Variants in TBC1D1 observed in about 807,000 individuals in gnomAD.
TBC1D1 encodes the protein TBC1 domain family member 1.
Under a neutral mutation model 125.6 loss-of-function variants are expected in TBC1D1, and 89 were observed. That is an observed-to-expected ratio of 0.71 (90% CI 0.60 to 0.85). The LOEUF (loss-of-function observed/expected upper bound fraction) is 0.85. TBC1D1 is among the 40% of genes least tolerant of loss of function. The pLI is 0.00. For missense variants in TBC1D1, 1,377 were observed against 1,469.2 expected, an observed-to-expected ratio of 0.94 and a Z score of 1.03; for synonymous variants, 565 against 564.1, an observed-to-expected ratio of 1.00 and a Z score of -0.02.
intron 12 of TBC1D1, chr4:38,060,637 C>T (rs1261964663): frequency 6.2e-6 from 8 of 1,289,106 alleles, no homozygotes; most frequent in Non-Finnish European, 7.1e-6. Flanking sequence ...CTGTGGATCG[C>T]CATCGTTGGC....
chr4:38,007,243 A>G (rs911960846), intron 2 of TBC1D1: 1 of 151,900 alleles, frequency 6.6e-6, no homozygotes, highest in Non-Finnish European at 1.5e-5. Flanking sequence ...TTTTTTATTT[A>G]TTTATTAATT....
intron 17 of TBC1D1, among the ~76,000 whole-genome samples, chr4:38,122,477 C>A (rs955719432): frequency 6.6e-6 from 1 of 152,164 alleles, no homozygotes. Flanking sequence ...TGTATTGACA[C>A]CCTATTTTCC....
chr4:38,022,639 T>C (rs570452580), intron 6 of TBC1D1, among the ~76,000 whole-genome samples: 139 of 152,292 alleles, frequency 9.1e-4, no homozygotes, highest in African/African-American at 3.2e-3. Context: ...GGGGTTCCTC[T>C]TGAACAAGAG....
At chr4:38,126,819 G>T (rs1347814663) in intron 18 of TBC1D1, among the ~76,000 whole-genome samples, 1 of 152,088 alleles carries the variant, frequency 6.6e-6, no homozygotes, top group African/African-American at 2.4e-5. Context: ...TGGAAAGGTA[G>T]GGGTTCAAAC....
In TBC1D1 at chr4:38,021,678, C is replaced by T; in HGVS notation, c.1170C>T (p.Cys390=). ...CGCCAGCCCAGCTGTGTGAGGGCTG[C>T]CCCCTGCAAAGCCTGCACAAGCTCT... Residue 390 remains cysteine, a synonymous_variant, in exon 6 of 20, where the codon TGC becomes TGT. Coordinates refer to ENST00000261439, the MANE Select transcript of TBC1D1 (RefSeq NM_015173.4). 2.5e-6 allele frequency: 4 copies of T among 1,595,022 alleles called. No homozygotes were observed. In the South Asian group the frequency reaches 3.4e-5, roughly 14 times the overall value.
intron 7 of TBC1D1, among the ~76,000 whole-genome samples, chr4:38,031,211 A>C (rs747543458): frequency 1.5e-4 from 23 of 152,226 alleles, no homozygotes; most frequent in Non-Finnish European, 2.8e-4. Flanking sequence ...CTCCAAGTCT[A>C]ATTCTCCTAA....
chr4:38,008,077 T>C (rs778279415), intron 2 of TBC1D1, among the ~76,000 whole-genome samples: 3 of 152,216 alleles, frequency 2.0e-5, no homozygotes, highest in Non-Finnish European at 4.4e-5. Flanking sequence ...GCAGGCACAT[T>C]TGAGTTGAGA....
intron 2 of TBC1D1, among the ~76,000 whole-genome samples, chr4:37,937,819 G>T (rs559824950): frequency 6.6e-6 from 1 of 152,138 alleles, no homozygotes; most frequent in South Asian, 2.1e-4. Flanking sequence ...GGTTCCTAAC[G>T]CTCAGGAGGG....
At chr4:38,040,246 G>T (rs1748086614) in intron 8 of TBC1D1, among the ~76,000 whole-genome samples, 1 of 152,114 alleles carries the variant, frequency 6.6e-6, no homozygotes, top group South Asian at 2.1e-4. Flanking sequence ...TCTACTAACT[G>T]ATGCTGCTTG....
Position 38,122,613 on chromosome 4 carries a change from G to A in TBC1D1, c.2963-2349G>A, listed in dbSNP as rs1367229763. Among the ~76,000 whole-genome samples, 7 of 152,026 alleles carry A rather than the reference G, an allele frequency of 4.6e-5. No individual in the cohort carries two copies. The East Asian group carries it at 7.7e-4, about 17-fold the overall frequency. ...GTAACACCCTGGGCATAACTCTACC[G>A]AACCAGAACTCCTTGGTGTCTCTGC... On this transcript the variant is annotated intron_variant, in intron 17 of 19. Transcript: ENST00000261439.
intron 2 of TBC1D1, among the ~76,000 whole-genome samples, chr4:37,927,508 G>A (rs926387708): frequency 6.6e-6 from 1 of 152,094 alleles, no homozygotes; most frequent in Non-Finnish European, 1.5e-5. Flanking sequence ...CAAGATCCAC[G>A]ATTCCAGCTG....
At chr4:38,052,142 A>G in intron 11 of TBC1D1, 82 bp downstream of exon 12, 2 of 1,389,016 alleles carry the variant, frequency 1.4e-6, no homozygotes, top group South Asian at 1.3e-5. Flanking sequence ...GAATGGGGGG[A>G]ATGTCCATGC....
chr4:37,949,902 A>G (rs1014676931), intron 2 of TBC1D1, among the ~76,000 whole-genome samples: 1 of 152,078 alleles, frequency 6.6e-6, no homozygotes. Context: ...GCTGACGCCT[A>G]TTCTCCATGA....
chr4:38,119,511 A>G (rs1055499629), intron 17 of TBC1D1, among the ~76,000 whole-genome samples: 3 of 151,034 alleles, frequency 2.0e-5, no homozygotes, highest in African/African-American at 7.4e-5. Context: ...GGTTTATACC[A>G]TGGTTAAAAA....
intron 2 of TBC1D1, among the ~76,000 whole-genome samples, chr4:37,909,681 C>T (rs926161934): frequency 2.0e-5 from 3 of 152,312 alleles, no homozygotes; most frequent in Non-Finnish European, 2.9e-5. Flanking sequence ...AATTTCTAAA[C>T]TTCAAACATT....
chr4:37,902,319 G>A lies in TBC1D1; in HGVS notation c.224G>A (p.Cys75Tyr), dbSNP rs780311932. ...TGCGTTTCACCCTCTGGACTGAGAT[G>A]TGAACCTGAGCCAGGGAGAAGTCAA... Residue 75 changes from cysteine to tyrosine, a missense_variant, in exon 2 of 20, where the codon TGT becomes TAT. Physicochemically the swap from Cys to Tyr is radical, Grantham distance 194. Coordinates refer to ENST00000261439, the MANE Select transcript of TBC1D1 (RefSeq NM_015173.4). 3 of 1,614,186 alleles carry A rather than the reference G, an allele frequency of 1.9e-6. No individual in the cohort carries two copies. Among genetic ancestry groups the A allele is most frequent in the Non-Finnish European group, 2.5e-6 (3 of 1,180,036 alleles).
At chr4:38,029,201 A>G (rs771944534) in intron 7 of TBC1D1, among the ~76,000 whole-genome samples, 1 of 152,080 alleles carries the variant, frequency 6.6e-6, no homozygotes. Flanking sequence ...TCTCCTTTTG[A>G]GGGGCGGGCA....
At chr4:38,026,695 A>G (rs895979426) in intron 6 of TBC1D1, among the ~76,000 whole-genome samples, 1 of 152,160 alleles carries the variant, frequency 6.6e-6, no homozygotes, top group Non-Finnish European at 1.5e-5. Flanking sequence ...CAACCGTCTC[A>G]TCATGTGTGA....
At position 38,090,071 on chromosome 4, in the gene TBC1D1, A is replaced by T; in HGVS notation, c.2190A>T (p.Gln730His). Residue 730 changes from glutamine to histidine, a missense_variant, in exon 13 of 20, where the codon CAA becomes CAT. Transcript: ENST00000261439. ...AGCTGTGGCAAAAGGCTATTCTTCAACAGATACTGCTGCTTAGAATGGAGA... is the reference window on the plus strand; with the variant it reads ...AGCTGTGGCAAAAGGCTATTCTTCATCAGATACTGCTGCTTAGAATGGAGA... 1.2e-6 allele frequency: 2 copies of T among 1,614,098 alleles called. No individual in the cohort carries two copies. Among genetic ancestry groups the T allele is most frequent in the Non-Finnish European group, 1.7e-6 (2 of 1,179,988 alleles).
Sources: gnomAD v4.1 joint callset for allele counts (sites outside exome capture counted in the v4.1 genomes callset) on GRCh38, gnomAD v4.1.1 for gene constraint, MANE v1.5 for transcripts, NCBI Gene and HGNC (gene_info 2026-07-23, HGNC 2026-07-21) for gene names.